Variants in SLC25A42 observed in about 807,000 individuals in gnomAD.
The protein encoded by SLC25A42 is mitochondrial coenzyme A transporter SLC25A42.
SLC25A42 carries 19 observed loss-of-function variants against 34.7 expected under a neutral mutation model. The observed-to-expected ratio is 0.55, with a 90% CI of 0.38 to 0.80. The LOEUF is 0.80. Among genes scored for constraint, SLC25A42 ranks in the 30% least tolerant of loss-of-function variants. The probability of loss-of-function intolerance (pLI) is 0.00; values close to 1 mark genes in which losing one functional copy is unlikely to be tolerated. For missense variants in SLC25A42, 364 were observed against 441.3 expected (o/e 0.82, Z 1.57); for synonymous variants, 205 against 191.2 (o/e 1.07, Z -0.59).
At chr19:19,105,372 C>A in intron 4 of SLC25A42, 189 bp from the exon 5 acceptor site, 1 of 655,348 alleles carries the variant, frequency 1.5e-6, no homozygotes, top group Non-Finnish European at 2.5e-6. Flanking sequence ...AAGGACGGGG[C>A]TGGGGTTGAT....
At chr19:19,078,209 A>G (rs552431772) in intron 1 of SLC25A42, among the ~76,000 whole-genome samples, 146 of 152,260 alleles carry the variant, frequency 9.6e-4, no homozygotes, top group African/African-American at 3.4e-3. Flanking sequence ...TGCACTGGGC[A>G]GAAGCAGAGG....
intron 1 of SLC25A42, among the ~76,000 whole-genome samples, chr19:19,075,422 A>G (rs2059651024): frequency 6.6e-6 from 1 of 152,232 alleles, no homozygotes; most frequent in Non-Finnish European, 1.5e-5. Context: ...AGATACACGT[A>G]TGTTATTTGG....
At chr19:19,071,417 C>G (rs570182203) in intron 1 of SLC25A42, among the ~76,000 whole-genome samples, 2 of 152,222 alleles carry the variant, frequency 1.3e-5, no homozygotes, top group African/African-American at 2.4e-5. Flanking sequence ...CACATCAGAC[C>G]ACCACCAAGT....
In SLC25A42 at chr19:19,104,350, G is replaced by A. The variant is rs935986136; in HGVS notation, c.188-563G>A. 3.2e-4 allele frequency among the ~76,000 whole-genome samples: 49 copies of A among 152,292 alleles called. 1 individual carries two copies. Among genetic ancestry groups the A allele is most frequent in the African/African-American group, 8.9e-4 (37 of 41,570 alleles). ...GTGGGTGGTGAGGGGTGAGGGAGGCGGGCTGCCAGACCACGTCAGAGGCTC... is the reference window on the plus strand; with the variant it reads ...GTGGGTGGTGAGGGGTGAGGGAGGCAGGCTGCCAGACCACGTCAGAGGCTC... On this transcript the variant is annotated intron_variant, in intron 3 of 7. Coordinates refer to ENST00000318596, the MANE Select transcript of SLC25A42 (RefSeq NM_178526.5).
chr19:19,110,717 C>T lies in SLC25A42; in HGVS notation c.798C>T (p.Ser266=), dbSNP rs1007193017. ...TAGVTGYPRA[S]IARTLRTIVR... is the part of the protein sequence containing the mutation. ...GCGTCACGGGCTACCCGCGCGCCTCCATCGCCCGCACGCTGCGCACCATCG... is the reference window on the plus strand; with the variant it reads ...GCGTCACGGGCTACCCGCGCGCCTCTATCGCCCGCACGCTGCGCACCATCG... The change falls in exon 8 of 8, where the codon TCC becomes TCT. Residue 266 remains serine (S), a synonymous_variant. Coordinates refer to ENST00000318596, the MANE Select transcript of SLC25A42 (RefSeq NM_178526.5). The T allele has an allele frequency of 1.9e-6, 3 of 1,604,392 alleles. No individual in the cohort carries two copies. The highest frequency in any genetic ancestry group is 3.4e-5 in the Admixed American group (2 of 58,928).
intron 1 of SLC25A42, among the ~76,000 whole-genome samples, chr19:19,067,399 T>C (rs1223491417): frequency 6.6e-6 from 1 of 151,916 alleles, no homozygotes; most frequent in Non-Finnish European, 1.5e-5. Context: ...TCGGGCAACA[T>C]GGTGAAACCC....
At chr19:19,101,129 C>G (rs1401178585) in intron 2 of SLC25A42, among the ~76,000 whole-genome samples, 1 of 152,088 alleles carries the variant, frequency 6.6e-6, no homozygotes, top group Non-Finnish European at 1.5e-5. Context: ...GCGTGACCTT[C>G]CAGGGAAGGA....
At chr19:19,096,591 T>TATC (rs1568518837) in intron 2 of SLC25A42, among the ~76,000 whole-genome samples, 1 of 151,872 alleles carries the variant, frequency 6.6e-6, no homozygotes, top group Non-Finnish European at 1.5e-5. Context: ...AAGCCTGAGG[T>TATC]ATCAGACATG....
intron 3 of SLC25A42, among the ~76,000 whole-genome samples, chr19:19,102,304 C>T (rs2059802147): frequency 6.6e-6 from 1 of 152,038 alleles, no homozygotes; most frequent in Non-Finnish European, 1.5e-5. Context: ...CCACCGCCCC[C>T]GGCCAGAAAT....
At chr19:19,083,399 G>C (rs2059690805) in intron 1 of SLC25A42, among the ~76,000 whole-genome samples, 1 of 152,234 alleles carries the variant, frequency 6.6e-6, no homozygotes, top group Admixed American at 6.5e-5. Context: ...CTAGGGTTTA[G>C]GATGCAGACA....
At chr19:19,084,903 C>T (rs1264079640) in intron 1 of SLC25A42, among the ~76,000 whole-genome samples, 1 of 150,542 alleles carries the variant, frequency 6.6e-6, no homozygotes, top group African/African-American at 2.5e-5. Context: ...TCCAGATCAG[C>T]CTGGGCAACA....
intron 4 of SLC25A42, 130 bp from the exon 5 acceptor site, chr19:19,105,431 T>G: frequency 9.3e-7 from 1 of 1,070,064 alleles, no homozygotes; most frequent in Non-Finnish European, 1.3e-6. Context: ...GGGGGTGGGG[T>G]TATGTGCTGT....
At chr19:19,072,706 G>A (rs930164526) in intron 1 of SLC25A42, among the ~76,000 whole-genome samples, 2 of 151,758 alleles carry the variant, frequency 1.3e-5, no homozygotes, top group Non-Finnish European at 2.9e-5. Flanking sequence ...TAGAGACAGG[G>A]TCTTGTTCTG....
intron 1 of SLC25A42, among the ~76,000 whole-genome samples, chr19:19,067,946 A>T (rs1288058056): frequency 6.6e-6 from 1 of 152,080 alleles, no homozygotes; most frequent in Non-Finnish European, 1.5e-5. Context: ...TGGCAGTTAG[A>T]CATTAAGAGG....
intron 1 of SLC25A42, among the ~76,000 whole-genome samples, chr19:19,085,571 G>A (rs952369824): frequency 6.6e-6 from 1 of 152,130 alleles, no homozygotes; most frequent in African/African-American, 2.4e-5. Flanking sequence ...AGTAGAAATG[G>A]GCTTTCGCCA....
chr19:19,093,504 C>T (rs542029345), intron 1 of SLC25A42, among the ~76,000 whole-genome samples: 29 of 152,284 alleles, frequency 1.9e-4, no homozygotes, highest in African/African-American at 7.0e-4. Flanking sequence ...TTCCATTTTT[C>T]CTGAATGTCC....
chr19:19,105,848 C>T (rs1306970347), intron 5 of SLC25A42, 121 bp downstream of exon 5: 8 of 902,574 alleles, frequency 8.9e-6, no homozygotes, highest in Non-Finnish European at 1.3e-5. Context: ...TTCCCTCTTC[C>T]CACAACGAAA....
At chr19:19,099,039 C>T (rs1222427972) in intron 2 of SLC25A42, among the ~76,000 whole-genome samples, 1 of 152,228 alleles carries the variant, frequency 6.6e-6, no homozygotes, top group Non-Finnish European at 1.5e-5. Flanking sequence ...CATTTGCACA[C>T]AGAGGCCCAT....
chr19:19,069,799 C>T (rs1029472799), intron 1 of SLC25A42, among the ~76,000 whole-genome samples: 3 of 151,184 alleles, frequency 2.0e-5, no homozygotes, highest in Non-Finnish European at 3.0e-5. Flanking sequence ...GGACTATAGG[C>T]GCAGGCCACC....
Sources: gnomAD v4.1 joint callset for allele counts (sites outside exome capture counted in the v4.1 genomes callset) on GRCh38, gnomAD v4.1.1 for gene constraint, MANE v1.5 for transcripts, NCBI Gene and HGNC (gene_info 2026-07-23, HGNC 2026-07-21) for gene names.